The following CDH18 variants were observed in gnomAD, a reference collection of about 807,000 sequenced individuals.
The protein encoded by CDH18 is cadherin-18.
In CDH18, 31 loss-of-function variants were observed where a neutral mutation model predicts 67.9. The observed-to-expected ratio is 0.46, with a 90% CI of 0.34 to 0.62. The LOEUF is 0.62. Among genes scored for constraint, CDH18 ranks in the 20% least tolerant of loss-of-function variants. The pLI is 0.01. For missense variants in CDH18, 890 were observed against 975.5 expected, an observed-to-expected ratio of 0.91 and a Z score of 1.17; for synonymous variants, 362 against 347.2, an observed-to-expected ratio of 1.04 and a Z score of -0.48.
At chr5:19,755,136 C>A (rs572469543) in intron 3 of CDH18, among the ~76,000 whole-genome samples, 3 of 148,622 alleles carry the variant, frequency 2.0e-5, no homozygotes, top group South Asian at 4.2e-4. Context: ...CCAAACCCAG[C>A]AGAAGAAAGG....
At chr5:19,555,345 T>C (rs1354200169) in intron 8 of CDH18, among the ~76,000 whole-genome samples, 2 of 152,168 alleles carry the variant, frequency 1.3e-5, no homozygotes, top group African/African-American at 2.4e-5. Flanking sequence ...TTGGCTTGCT[T>C]TCTCAGCTGG....
chr5:20,159,494 A>G (rs575400430), intron 2 of CDH18, among the ~76,000 whole-genome samples: 2 of 152,332 alleles, frequency 1.3e-5, no homozygotes, highest in South Asian at 4.1e-4. Flanking sequence ...GTTAGAAAAT[A>G]TAATTTAGCC....
chr5:20,260,574 G>C lies in CDH18; in HGVS notation c.-579-5069C>G, dbSNP rs149752462. 3.3e-5 allele frequency among the ~76,000 whole-genome samples: 5 copies of C among 152,254 alleles called. No homozygotes were observed. In the East Asian group the frequency reaches 9.7e-4, roughly 30 times the overall value. On this transcript the variant is annotated intron_variant, in intron 1 of 14. Coordinates refer to the CDH18 transcript ENST00000507958. ...TTTGCATTTCAGAAAGACTTAAACA[G>C]TTCTGTATTAGAGAGTGGTAGATTC...
rs139046752 is a variant in CDH18 at position 20,445,737 on chromosome 5, T to C, written c.-580+129725A>G. ...TCAACTTGTTACTGAGAATTCTGCA[T>C]TGGAATGGATTATTTAATGGAGATT... is the stretch of plus-strand genomic sequence containing the variant. On this transcript the variant is annotated intron_variant, in intron 1 of 14. Coordinates refer to the CDH18 transcript ENST00000507958. 2.6e-3 allele frequency among the ~76,000 whole-genome samples: 393 copies of C among 152,300 alleles called. 2 individuals carry two copies. The highest frequency in any genetic ancestry group is 9.0e-3 in the African/African-American group (375 of 41,578).
intron 1 of CDH18, among the ~76,000 whole-genome samples, chr5:20,262,564 G>A (rs1011736071): frequency 6.6e-6 from 1 of 152,106 alleles, no homozygotes; most frequent in Non-Finnish European, 1.5e-5. Flanking sequence ...TAGCCCCATG[G>A]GGATCCCTGA....
intron 2 of CDH18, among the ~76,000 whole-genome samples, chr5:20,085,856 G>T (rs189754571): frequency 3.2e-4 from 48 of 152,272 alleles, no homozygotes; most frequent in African/African-American, 1.1e-3. Flanking sequence ...TGAGATTTGG[G>T]TGGAGACACA....
intron 3 of CDH18, among the ~76,000 whole-genome samples, chr5:19,799,814 G>C (rs1777261263): frequency 6.6e-6 from 1 of 152,092 alleles, no homozygotes; most frequent in Non-Finnish European, 1.5e-5. Context: ...TAGCCCCAAT[G>C]CTTAGCACAT....
chr5:19,920,536 C>T (rs190014150), intron 2 of CDH18, among the ~76,000 whole-genome samples: 6 of 126,490 alleles, frequency 4.7e-5, no homozygotes, highest in Non-Finnish European at 6.5e-5. Context: ...TTTTTTCAGA[C>T]GGTGTCTTGC....
intron 1 of CDH18, among the ~76,000 whole-genome samples, chr5:20,366,603 CA>C (rs1742537540): frequency 6.6e-6 from 1 of 152,154 alleles, no homozygotes; most frequent in Non-Finnish European, 1.5e-5. Flanking sequence ...TAATCATTGG[CA>C]AGCGGCTTTA....
chr5:19,637,132 CTCTTTCTTTCTTTCTTTCTTTTTCTT>C (rs1753267936), intron 5 of CDH18, among the ~76,000 whole-genome samples: 1 of 151,148 alleles, frequency 6.6e-6, no homozygotes, highest in Admixed American at 6.6e-5. Context: ...CTTTTTCTTT[CTCTTTCTTTCTTTCTTTCTTTTTCTT>C]TCTTTCTTTC....
At chr5:20,004,596 A>G (rs1439795504) in intron 2 of CDH18, among the ~76,000 whole-genome samples, 1 of 152,238 alleles carries the variant, frequency 6.6e-6, no homozygotes, top group Non-Finnish European at 1.5e-5. Flanking sequence ...GATATCTAAG[A>G]TGGAACAATT....
intron 2 of CDH18, among the ~76,000 whole-genome samples, chr5:20,157,331 C>A (rs73762524): frequency 2.6e-5 from 4 of 152,018 alleles, no homozygotes; most frequent in Admixed American, 2.6e-4. Flanking sequence ...AGAATGTAAA[C>A]AATGTTTTCT....
intron 1 of CDH18, among the ~76,000 whole-genome samples, chr5:20,543,212 T>G (rs1417700782): frequency 6.6e-6 from 1 of 152,026 alleles, no homozygotes; most frequent in Admixed American, 6.6e-5. Context: ...ACACTGCTAT[T>G]TAATAATTAT....
chr5:19,999,236 A>G (rs991716363), intron 2 of CDH18, among the ~76,000 whole-genome samples: 8 of 151,924 alleles, frequency 5.3e-5, no homozygotes, highest in Non-Finnish European at 1.0e-4. Context: ...ACACACACAC[A>G]CGCACACACA....
At chr5:19,728,776 A>T (rs1310939987) in intron 4 of CDH18, among the ~76,000 whole-genome samples, 1 of 152,174 alleles carries the variant, frequency 6.6e-6, no homozygotes, top group African/African-American at 2.4e-5. Flanking sequence ...TTGAGTAAAA[A>T]TAAGCTGGAG....
At chr5:19,676,281 A>T (rs1759481436) in intron 5 of CDH18, among the ~76,000 whole-genome samples, 2 of 152,094 alleles carry the variant, frequency 1.3e-5, no homozygotes, top group Non-Finnish European at 2.9e-5. Flanking sequence ...TGAGAATATT[A>T]TTCATAAAAA....
chr5:19,472,179 G>A lies in CDH18; in HGVS notation c.*1047C>T, dbSNP rs543979871. On this transcript the variant is annotated 3_prime_UTR_variant, in exon 13 of 13. Coordinates refer to ENST00000382275, the MANE Select transcript of CDH18 (RefSeq NM_004934.5). ...TCAACTATGATTCTATGACATTTACGTTCATTGGAGGATAGTCTTTCAGAC... is the reference window on the plus strand; with the variant it reads ...TCAACTATGATTCTATGACATTTACATTCATTGGAGGATAGTCTTTCAGAC... 1.1e-4 allele frequency among the ~76,000 whole-genome samples: 16 copies of A among 152,176 alleles called. No homozygotes were observed. In the South Asian group the frequency reaches 2.3e-3, roughly 22 times the overall value.
intron 1 of CDH18, among the ~76,000 whole-genome samples, chr5:20,504,723 G>A (rs1375731985): frequency 6.7e-6 from 1 of 148,656 alleles, no homozygotes; most frequent in East Asian, 2.0e-4. Flanking sequence ...AAAAAATAAA[G>A]TCTTTTGGCA....
At chr5:20,406,560 A>G (rs1474841060) in intron 1 of CDH18, among the ~76,000 whole-genome samples, 1 of 132,748 alleles carries the variant, frequency 7.5e-6, no homozygotes. Flanking sequence ...CATGTACCCT[A>G]AAACTTAAAG....
Sources: allele counts gnomAD v4.1 joint callset (sites outside exome capture counted in the v4.1 genomes callset), GRCh38; gene constraint gnomAD v4.1.1; transcripts MANE v1.5; gene names NCBI Gene and HGNC (gene_info 2026-07-23, HGNC 2026-07-21).